CDK11B: variants seen among roughly 807,000 people sequenced by gnomAD.
CDK11B encodes the protein cyclin dependent kinase 11B.
A neutral mutation model predicts 84.0 loss-of-function variants in CDK11B; 37 were observed. That is an observed-to-expected ratio of 0.44 (90% CI 0.34 to 0.58). CDK11B has a LOEUF of 0.58. CDK11B is among the 20% of genes least tolerant of loss of function. CDK11B has a pLI of 0.02. For missense variants in CDK11B, 427 were observed against 834.0 expected, an observed-to-expected ratio of 0.51 and a Z score of 6.01; for synonymous variants, 269 against 309.8, an observed-to-expected ratio of 0.87 and a Z score of 1.38.
intron 10 of CDK11B, among the ~76,000 whole-genome samples, chr1:1,640,775 C>T (rs1436380405): frequency 2.0e-5 from 3 of 152,216 alleles, no homozygotes; most frequent in African/African-American, 7.2e-5. Context: ...AGGGACAGGC[C>T]CGGAGCCACC....
intron 11 of CDK11B, among the ~76,000 whole-genome samples, chr1:1,639,788 C>G (rs1271465719): frequency 1.3e-5 from 2 of 152,098 alleles, no homozygotes; most frequent in African/African-American, 4.8e-5. Flanking sequence ...CTTGTCCCTT[C>G]CAAATCGCTC....
At chr1:1,639,721 G>A (rs1250518342) in intron 11 of CDK11B, among the ~76,000 whole-genome samples, 1 of 152,008 alleles carries the variant, frequency 6.6e-6, no homozygotes, top group African/African-American at 2.4e-5. Flanking sequence ...GCACCAAGGA[G>A]GGGGCCGAGT....
intron 9 of CDK11B, among the ~76,000 whole-genome samples, chr1:1,641,456 C>CACT (rs1640290810): frequency 6.8e-6 from 1 of 146,490 alleles, no homozygotes; most frequent in African/African-American, 2.5e-5. Flanking sequence ...TTGCAGTGAG[C>CACT]CGAGATCATG....
chr1:1,658,923 G>A lies in CDK11B; in HGVS notation c.-23C>T. ...CCCAGTCGGAACTCACCCCTACGCC[G>A]CCGCCGCTGCCGCCGCCGCCGCCGC... On this transcript the variant is annotated 5_prime_UTR_variant, in exon 1 of 20. Coordinates refer to ENST00000341832, the MANE Select transcript of CDK11B (RefSeq NM_033486.3). The A allele has an allele frequency of 5.2e-6, 1 of 192,986 alleles. No individual in the cohort carries two copies. The highest frequency in any genetic ancestry group is 1.1e-5 in the Non-Finnish European group (1 of 93,890). The allele number at this position is 192,986 out of a possible 1,614,324, so 12.0% of individuals were successfully genotyped here.
At chr1:1,657,108 CCA>C (rs1432153481) in intron 2 of CDK11B, 1 of 1,032,928 alleles carries the variant, frequency 9.7e-7, no homozygotes. Flanking sequence ...AAAAATTAGT[CCA>C]GTTTTGCTAA....
intron 3 of CDK11B, 132 bp downstream of exon 3, chr1:1,655,237 G>A: frequency 1.7e-6 from 2 of 1,156,892 alleles, no homozygotes; most frequent in Non-Finnish European, 2.3e-6. Flanking sequence ...GTTACGCTAT[G>A]TCACAGTAAC....
In CDK11B at chr1:1,640,244, G is replaced by A. The variant is rs1194592983; in HGVS notation, c.1251+33C>T. On this transcript the variant is annotated intron_variant, in intron 11 of 19. Transcript: ENST00000341832. Reference sequence around the variant, plus strand: ...CTGTGGTAACTCCGACTGCCAATGCGGACAGTGGCCCGGGGCGAGGGGAGG... The same window carrying A: ...CTGTGGTAACTCCGACTGCCAATGCAGACAGTGGCCCGGGGCGAGGGGAGG... The A allele has an allele frequency of 5.6e-6, 9 of 1,610,016 alleles. 1 individual carries two copies. Among genetic ancestry groups the A allele is most frequent in the Middle Eastern group, 1.7e-4 (1 of 5,852 alleles).
rs1377124200 is a variant in CDK11B at position 1,641,235 on chromosome 1, G to A, written c.1010-122C>T. 46 of 1,518,942 alleles carry A rather than the reference G, an allele frequency of 3.0e-5. 1 individual carries two copies. Among genetic ancestry groups the A allele is most frequent in the Middle Eastern group, 3.6e-4 (2 of 5,622 alleles). The allele number at this position is 1,518,942 out of a possible 1,614,324, so 94.1% of individuals were successfully genotyped here. A position where few individuals can be genotyped will look rare whatever the true frequency, so the allele number is the denominator to read the frequency against. On this transcript the variant is annotated intron_variant, in intron 9 of 19. Transcript: ENST00000341832. Reference sequence around the variant, plus strand: ...CCAAGAATGGATATGCAGGCCGGGCGCGGTGGCTCACGCCTGTAATCCCAG... The same window carrying A: ...CCAAGAATGGATATGCAGGCCGGGCACGGTGGCTCACGCCTGTAATCCCAG...
At chr1:1,647,244 TCAGA>T (rs1235865282) in intron 5 of CDK11B, among the ~76,000 whole-genome samples, 7 of 152,288 alleles carry the variant, frequency 4.6e-5, no homozygotes, top group African/African-American at 7.2e-5. Context: ...ATCTGGACAC[TCAGA>T]CAGTTTTTAC....
chr1:1,639,320 A>C (rs188066585), intron 11 of CDK11B, among the ~76,000 whole-genome samples: 8 of 151,870 alleles, frequency 5.3e-5, no homozygotes, highest in South Asian at 2.1e-4. Flanking sequence ...AGGAGGCTGA[A>C]ATGGGAGGAT....
At chr1:1,649,200 C>T (rs1641576677) in intron 5 of CDK11B, among the ~76,000 whole-genome samples, 3 of 152,054 alleles carry the variant, frequency 2.0e-5, no homozygotes, top group Admixed American at 6.6e-5. Context: ...TCCGGGTTCA[C>T]GCCATTCTCC....
intron 5 of CDK11B, among the ~76,000 whole-genome samples, chr1:1,648,351 C>A (rs1641443159): frequency 6.6e-6 from 1 of 152,246 alleles, no homozygotes. Flanking sequence ...ATGTTTCACA[C>A]ACTAACAGGA....
chr1:1,656,418 G>A (rs954208016), intron 2 of CDK11B, among the ~76,000 whole-genome samples: 2 of 152,152 alleles, frequency 1.3e-5, no homozygotes, highest in Non-Finnish European at 2.9e-5. Context: ...TTGAACACAG[G>A]AGGCAGAGGT....
chr1:1,658,608 G>C (rs1643111583), intron 1 of CDK11B, among the ~76,000 whole-genome samples: 2 of 146,454 alleles, frequency 1.4e-5, no homozygotes, highest in Non-Finnish European at 3.0e-5. Context: ...GCTGCACCTT[G>C]AGACCGGGGA....
At chr1:1,639,685 G>A (rs148104233) in intron 11 of CDK11B, among the ~76,000 whole-genome samples, 25,908 of 151,668 alleles carry the variant, frequency 0.17, 3,057 homozygotes, top group Middle Eastern at 0.28. Flanking sequence ...TGCTGCATGC[G>A]CCAGAGAGAA....
chr1:1,655,548 T>C, intron 2 of CDK11B, 64 bp from the exon 3 acceptor site: 1 of 1,486,298 alleles, frequency 6.7e-7, no homozygotes. Flanking sequence ...TAGATAAAAG[T>C]ATTTTTAATG....
chr1:1,658,910 T>G lies in CDK11B; in HGVS notation c.-14+4A>C, dbSNP rs1363114676. On this transcript the variant is annotated splice_donor_region_variant and intron_variant, in intron 1 of 19. Transcript: ENST00000341832. ...CACACCTGGTCCGCCCAGTCGGAACTCACCCCTACGCCGCCGCCGCTGCCG... is the reference window on the plus strand; with the variant it reads ...CACACCTGGTCCGCCCAGTCGGAACGCACCCCTACGCCGCCGCCGCTGCCG... 5.3e-6 allele frequency: 1 copy of G among 188,004 alleles called. No homozygotes were observed. 11.6% of individuals were successfully genotyped at this position (188,004 alleles called of 1,614,324 possible).
chr1:1,639,483 A>G (rs1419086401), intron 11 of CDK11B, among the ~76,000 whole-genome samples: 3 of 151,814 alleles, frequency 2.0e-5, no homozygotes, highest in African/African-American at 7.3e-5. Flanking sequence ...TACCAGGATG[A>G]CACTGAGGAC....
chr1:1,649,240 C>T (rs1471969575), intron 5 of CDK11B, among the ~76,000 whole-genome samples: 10 of 152,142 alleles, frequency 6.6e-5, no homozygotes, highest in Non-Finnish European at 1.5e-4. Context: ...GCTGGGACTA[C>T]AGGTGCCCGC....
Sources: allele counts gnomAD v4.1 joint callset (sites outside exome capture counted in the v4.1 genomes callset), GRCh38; gene constraint gnomAD v4.1.1; transcripts MANE v1.5; gene names NCBI Gene and HGNC (gene_info 2026-07-23, HGNC 2026-07-21).